The following IPCEF1 variants were observed in gnomAD, a reference collection of about 807,000 sequenced individuals.
IPCEF1 encodes interactor protein for cytohesin exchange factors 1.
A neutral mutation model predicts 50.9 loss-of-function variants in IPCEF1; 31 were observed. The observed-to-expected ratio is 0.61, with a 90% CI of 0.46 to 0.82. IPCEF1 has a LOEUF of 0.82. Ranked by LOEUF, IPCEF1 falls within the 40% of genes least tolerant of loss-of-function variation. The pLI is 0.00. For synonymous variants in IPCEF1, 181 were observed against 192.0 expected (o/e 0.94, Z 0.47); for missense variants, 458 against 514.0 (o/e 0.89, Z 1.05).
intron 1 of IPCEF1, among the ~76,000 whole-genome samples, chr6:154,339,845 C>A (rs1015946315): frequency 1.3e-5 from 2 of 152,132 alleles, no homozygotes; most frequent in South Asian, 4.1e-4. Flanking sequence ...CGAGCCACCC[C>A]CCTCACCTCC....
chr6:154,274,957 G>C (rs1317576224), intron 2 of IPCEF1, among the ~76,000 whole-genome samples: 1 of 152,172 alleles, frequency 6.6e-6, no homozygotes, highest in Non-Finnish European at 1.5e-5. Flanking sequence ...TGTTGTCACT[G>C]GTTCTCCAAA....
intron 11 of IPCEF1, 40 bp downstream of exon 11, chr6:154,167,880 C>A (rs1799565092): frequency 4.1e-6 from 6 of 1,457,702 alleles, no homozygotes; most frequent in Non-Finnish European, 5.6e-6. Flanking sequence ...TTCCTTGCCC[C>A]ACATCCATAG....
intron 1 of IPCEF1, among the ~76,000 whole-genome samples, chr6:154,353,181 C>T (rs189245208): frequency 1.3e-5 from 2 of 152,174 alleles, no homozygotes; most frequent in African/African-American, 4.8e-5. Flanking sequence ...TCTTAGACTG[C>T]AATGAACCAT....
intron 1 of IPCEF1, among the ~76,000 whole-genome samples, chr6:154,321,792 A>C (rs1783385860): frequency 6.6e-6 from 1 of 150,422 alleles, no homozygotes; most frequent in Admixed American, 6.6e-5. Context: ...AAAAAAAAAA[A>C]AAAAAAAAAA....
intron 9 of IPCEF1, among the ~76,000 whole-genome samples, chr6:154,201,554 G>A (rs182174052): frequency 2.0e-5 from 3 of 152,274 alleles, no homozygotes; most frequent in Non-Finnish European, 4.4e-5. Context: ...TGGTTCAGTT[G>A]CATTACATCA....
chr6:154,181,434 C>T (rs1800859235), intron 10 of IPCEF1, among the ~76,000 whole-genome samples: 2 of 152,150 alleles, frequency 1.3e-5, no homozygotes, highest in Admixed American at 1.3e-4. Flanking sequence ...AGAGACAAAC[C>T]TAGGTTGTGA....
chr6:154,265,803 T>A (rs1781740557), intron 3 of IPCEF1, 109 bp downstream of exon 3: 2 of 760,622 alleles, frequency 2.6e-6, no homozygotes, highest in Non-Finnish European at 4.4e-6. Flanking sequence ...CTGTGGCTAA[T>A]GAAATTGAGG....
chr6:154,335,425 C>T (rs1783768313), intron 1 of IPCEF1, among the ~76,000 whole-genome samples: 1 of 152,186 alleles, frequency 6.6e-6, no homozygotes, highest in Non-Finnish European at 1.5e-5. Flanking sequence ...AGTTAATCTG[C>T]CTTTTGTGAG....
chr6:154,196,644 A>G (rs1354696131), intron 10 of IPCEF1, among the ~76,000 whole-genome samples: 2 of 152,236 alleles, frequency 1.3e-5, no homozygotes, highest in Non-Finnish European at 2.9e-5. Flanking sequence ...TCACACAGGC[A>G]TAAGTCATGG....
intron 11 of IPCEF1, among the ~76,000 whole-genome samples, chr6:154,163,455 G>A (rs909372337): frequency 5.3e-5 from 8 of 152,068 alleles, no homozygotes; most frequent in African/African-American, 1.9e-4. Flanking sequence ...TCCTCAACAT[G>A]TTCTATCCCC....
intron 1 of IPCEF1, among the ~76,000 whole-genome samples, chr6:154,327,106 A>G (rs1783540375): frequency 1.3e-5 from 2 of 152,236 alleles, no homozygotes; most frequent in Non-Finnish European, 2.9e-5. Flanking sequence ...CAAAACCATA[A>G]AAACCCTAGA....
chr6:154,201,924 G>A (rs1419801806), intron 9 of IPCEF1, among the ~76,000 whole-genome samples: 1 of 152,056 alleles, frequency 6.6e-6, no homozygotes, highest in East Asian at 1.9e-4. Context: ...AAAACTCCAA[G>A]GAAGTGTCAG....
At position 154,223,162 on chromosome 6, in the gene IPCEF1, C is replaced by G; in HGVS notation, c.320+8G>C. On this transcript the variant is annotated splice_region_variant and intron_variant, in intron 6 of 11. Coordinates refer to ENST00000367220, the MANE Select transcript of IPCEF1 (RefSeq NM_001130700.2). ...TCAGAGTTTTGTGGAAGATGAGAGACAACTTACTGCTTTTTCTTGCATTCA... is the reference window on the plus strand; with the variant it reads ...TCAGAGTTTTGTGGAAGATGAGAGAGAACTTACTGCTTTTTCTTGCATTCA... The G allele has an allele frequency of 6.2e-7, 1 of 1,609,838 alleles. No individual in the cohort carries two copies. The highest frequency in any genetic ancestry group is 8.5e-7 in the Non-Finnish European group (1 of 1,176,462).
chr6:154,325,965 C>T (rs1212440528), intron 1 of IPCEF1, among the ~76,000 whole-genome samples: 1 of 152,130 alleles, frequency 6.6e-6, no homozygotes, highest in Non-Finnish European at 1.5e-5. Context: ...GTGGCTCACG[C>T]TTGTAATCCC....
intron 10 of IPCEF1, among the ~76,000 whole-genome samples, chr6:154,185,168 G>GT (rs1801227053): frequency 6.6e-6 from 1 of 152,122 alleles, no homozygotes; most frequent in Admixed American, 6.5e-5. Context: ...ATACTCAGCT[G>GT]TATGTGAAAG....
chr6:154,254,374 A>G (rs1057137133), intron 3 of IPCEF1, among the ~76,000 whole-genome samples: 2 of 152,194 alleles, frequency 1.3e-5, no homozygotes, highest in Admixed American at 6.5e-5. Flanking sequence ...GAAGGGGTAG[A>G]GAGAGACACG....
At chr6:154,291,846 G>A (rs956817066) in intron 1 of IPCEF1, among the ~76,000 whole-genome samples, 9 of 151,838 alleles carry the variant, frequency 5.9e-5, no homozygotes, top group Non-Finnish European at 8.8e-5. Context: ...CACCACGCCC[G>A]GCTAATTTTT....
At chr6:154,281,352 C>T (rs35050538) in intron 2 of IPCEF1, among the ~76,000 whole-genome samples, 12,605 of 149,608 alleles carry the variant, frequency 0.084, 942 homozygotes, top group African/African-American at 0.21. Flanking sequence ...GACCTCATCT[C>T]GAAAAAAAAA....
At chr6:154,244,346 G>A (rs967309961) in intron 5 of IPCEF1, among the ~76,000 whole-genome samples, 1 of 151,724 alleles carries the variant, frequency 6.6e-6, no homozygotes, top group African/African-American at 2.4e-5. Flanking sequence ...GAGAGGAAGA[G>A]AGAGGGAGAA....
Sources: allele counts gnomAD v4.1 joint callset (sites outside exome capture counted in the v4.1 genomes callset), GRCh38; gene constraint gnomAD v4.1.1; transcripts MANE v1.5; gene names NCBI Gene and HGNC (gene_info 2026-07-23, HGNC 2026-07-21).